Variants in CPT1A observed in about 807,000 individuals in gnomAD.
CPT1A encodes the protein carnitine O-palmitoyltransferase 1, liver isoform.
Under a neutral mutation model 100.8 loss-of-function variants are expected in CPT1A, and 64 were observed. That is an observed-to-expected ratio of 0.63 (90% CI 0.52 to 0.78). The LOEUF is 0.78. Among genes scored for constraint, CPT1A ranks in the 30% least tolerant of loss-of-function variants. The pLI, the probability that CPT1A is intolerant of heterozygous loss-of-function variation, is 0.00. For synonymous variants in CPT1A, 363 were observed against 396.0 expected (o/e 0.92, Z 0.99); for missense variants, 802 against 1,034.1 (o/e 0.78, Z 3.08).
chr11:68,776,099 T>A (rs1374571502), intron 12 of CPT1A, among the ~76,000 whole-genome samples: 1 of 152,236 alleles, frequency 6.6e-6, no homozygotes, highest in South Asian at 2.1e-4. Flanking sequence ...GAAAACATTA[T>A]GCTGAGTGAA....
At chr11:68,814,484 T>A (rs1201095252) in intron 2 of CPT1A, among the ~76,000 whole-genome samples, 1 of 151,760 alleles carries the variant, frequency 6.6e-6, no homozygotes, top group Non-Finnish European at 1.5e-5. Context: ...TTTTTTGTAT[T>A]TTTTAGTAGA....
chr11:68,825,653 G>C (rs1052063276), intron 1 of CPT1A, among the ~76,000 whole-genome samples: 1 of 151,452 alleles, frequency 6.6e-6, no homozygotes, highest in Non-Finnish European at 1.5e-5. Context: ...CCTCCCCCCA[G>C]TGCCCGCCTC....
At chr11:68,777,751 T>C (rs1213704883) in intron 12 of CPT1A, among the ~76,000 whole-genome samples, 3 of 152,264 alleles carry the variant, frequency 2.0e-5, no homozygotes, top group African/African-American at 4.8e-5. Context: ...ATGTACCCTG[T>C]GTGATCCAGC....
intron 1 of CPT1A, among the ~76,000 whole-genome samples, chr11:68,838,423 G>A (rs564048076): frequency 5.9e-4 from 89 of 151,890 alleles, no homozygotes; most frequent in African/African-American, 2.0e-3. Context: ...TTTGAAGCTA[G>A]CAAGCAGAAA....
chr11:68,791,712 T>C (rs1335686425), intron 9 of CPT1A, among the ~76,000 whole-genome samples: 1 of 152,020 alleles, frequency 6.6e-6, no homozygotes, highest in African/African-American at 2.4e-5. Flanking sequence ...AATTTTGTAT[T>C]TTTAGTAGAG....
chr11:68,826,669 C>T (rs966064726), intron 1 of CPT1A, among the ~76,000 whole-genome samples: 2 of 149,752 alleles, frequency 1.3e-5, no homozygotes, highest in African/African-American at 4.9e-5. Context: ...ACCCGGGAGC[C>T]GGAGCTTGCA....
intron 17 of CPT1A, 90 bp downstream of exon 17, chr11:68,760,135 G>C: frequency 1.1e-6 from 1 of 897,666 alleles, no homozygotes; most frequent in Non-Finnish European, 1.8e-6. Flanking sequence ...AGGTAACGGG[G>C]GCACCCAGCA....
intron 1 of CPT1A, among the ~76,000 whole-genome samples, chr11:68,826,348 A>AG (rs1856727650): frequency 1.3e-5 from 2 of 152,048 alleles, no homozygotes. Flanking sequence ...TGGGAGGCTG[A>AG]GGCAGGAGAA....
intron 11 of CPT1A, 130 bp downstream of exon 11, chr11:68,781,636 TAAAAC>T: frequency 1.1e-6 from 1 of 879,714 alleles, no homozygotes; most frequent in Non-Finnish European, 1.9e-6. Context: ...TAAAATAAAA[TAAAAC>T]TGAAGGTTAT....
At chr11:68,820,238 C>A (rs61335858) in intron 1 of CPT1A, among the ~76,000 whole-genome samples, 2 of 151,984 alleles carry the variant, frequency 1.3e-5, no homozygotes, top group African/African-American at 2.4e-5. Flanking sequence ...CACCACCTTG[C>A]CCAGACTGGT....
chr11:68,803,365 G>T (rs532674091), intron 5 of CPT1A, among the ~76,000 whole-genome samples: 1 of 152,148 alleles, frequency 6.6e-6, no homozygotes, highest in Non-Finnish European at 1.5e-5. Flanking sequence ...AGGGAAGAAT[G>T]GGGAATGACT....
intron 14 of CPT1A, among the ~76,000 whole-genome samples, chr11:68,770,030 A>C (rs927200539): frequency 3.4e-5 from 5 of 149,004 alleles, no homozygotes; most frequent in Non-Finnish European, 7.4e-5. Flanking sequence ...ACTGCACTCC[A>C]GCCTGGGCAA....
chr11:68,757,174 A>C lies in CPT1A; in HGVS notation c.*470T>G, dbSNP rs1321702189. 2.4e-6 allele frequency: 1 copy of C among 421,946 alleles called. No homozygotes were observed. Among genetic ancestry groups the C allele is most frequent in the Non-Finnish European group, 3.4e-6 (1 of 297,644 alleles). The allele number at this position is 421,946 out of a possible 1,614,324, so 26.1% of individuals were successfully genotyped here. On this transcript the variant is annotated 3_prime_UTR_variant, in exon 19 of 19. Coordinates refer to ENST00000265641, the MANE Select transcript of CPT1A (RefSeq NM_001876.4). ...CAGCATTTTGGTTAGTGCATTCCAG[A>C]TGTGTTAGCTACAACTGGGGACACC...
intron 1 of CPT1A, among the ~76,000 whole-genome samples, chr11:68,833,904 G>A (rs563882885): frequency 7.2e-5 from 11 of 152,002 alleles, no homozygotes; most frequent in East Asian, 1.9e-4. Flanking sequence ...GTTGCCGAGC[G>A]TGACCTTGAA....
chr11:68,828,278 C>T (rs1856784485), intron 1 of CPT1A, among the ~76,000 whole-genome samples: 1 of 152,262 alleles, frequency 6.6e-6, no homozygotes, highest in Non-Finnish European at 1.5e-5. Context: ...ATCGCTGCCA[C>T]ATCGGCCCCA....
rs1343450031 is a variant in CPT1A, at chr11:68,755,522, G to T, written c.*2122C>A. On this transcript the variant is annotated 3_prime_UTR_variant, in exon 19 of 19. Transcript: ENST00000265641. ...CCTCCCGGGTTCACGCCATTCTCCTGCCTCAGCCTCCTGAGTAGCTGGGAC... is the reference window on the plus strand; with the variant it reads ...CCTCCCGGGTTCACGCCATTCTCCTTCCTCAGCCTCCTGAGTAGCTGGGAC... 1 of 152,096 alleles carries T rather than the reference G, an allele frequency of 6.6e-6. No homozygotes were observed. Among genetic ancestry groups the T allele is most frequent in the East Asian group, 2.0e-4 (1 of 5,106 alleles). The allele number at this position is 152,096 out of a possible 1,614,324, so 9.4% of individuals were successfully genotyped here. A position where few individuals can be genotyped will look rare whatever the true frequency, so the allele number is the denominator to read the frequency against.
rs1857158717 is a variant in CPT1A, at chr11:68,841,534, C to T, written c.-14+241G>A. Among the ~76,000 whole-genome samples, 4 of 152,200 alleles carry T rather than the reference C, an allele frequency of 2.6e-5. No individual in the cohort carries two copies. Among genetic ancestry groups the T allele is most frequent in the African/African-American group, 4.8e-5 (2 of 41,454 alleles). ...GACCCGCCTGCGGATGGACCGACCC[C>T]CGGTGGACCCTCAGACCCAATCCCC... On this transcript the variant is annotated intron_variant, in intron 1 of 18. Transcript: ENST00000265641. The surrounding 1 kb of genome is among the most constrained non-coding windows in gnomAD (Gnocchi z 6.3).
At chr11:68,768,937 C>G (rs898969480) in intron 14 of CPT1A, among the ~76,000 whole-genome samples, 5 of 152,124 alleles carry the variant, frequency 3.3e-5, no homozygotes, top group African/African-American at 1.2e-4. Context: ...TGAAAAAAAG[C>G]CTTTACCAAC....
intron 1 of CPT1A, among the ~76,000 whole-genome samples, chr11:68,822,044 C>T (rs985547130): frequency 6.6e-6 from 1 of 152,088 alleles, no homozygotes; most frequent in Non-Finnish European, 1.5e-5. Context: ...ATGGTGCAGC[C>T]ACGTTGGCAA....
Sources: gnomAD v4.1 joint callset for allele counts (sites outside exome capture counted in the v4.1 genomes callset) on GRCh38, gnomAD v4.1.1 for gene constraint, Gnocchi (gnomAD v3.1) non-coding constraint, MANE v1.5 for transcripts, NCBI Gene and HGNC (gene_info 2026-07-23, HGNC 2026-07-21) for gene names.